The following ME3 variants were observed in gnomAD, a reference collection of about 807,000 sequenced individuals.
ME3 encodes the protein NADP-dependent malic enzyme, mitochondrial.
In ME3, 48 loss-of-function variants were observed where a neutral mutation model predicts 68.9. The observed-to-expected ratio is 0.70, with a 90% CI of 0.55 to 0.89. ME3 has a LOEUF of 0.89. Ranked by LOEUF, ME3 falls within the 40% of genes least tolerant of loss-of-function variation. The probability of loss-of-function intolerance (pLI) is 0.00; values close to 1 mark genes in which losing one functional copy is unlikely to be tolerated. For synonymous variants in ME3, 320 were observed against 318.8 expected, an observed-to-expected ratio of 1.00 and a Z score of -0.04; for missense variants, 675 against 797.4, an observed-to-expected ratio of 0.85 and a Z score of 1.85.
chr11:86,657,008 A>G (rs993129514), intron 2 of ME3, among the ~76,000 whole-genome samples: 2 of 152,346 alleles, frequency 1.3e-5, no homozygotes, highest in African/African-American at 4.8e-5. Flanking sequence ...GAACGCTTTT[A>G]TACTGTTGGT....
At chr11:86,578,717 C>T (rs909524901) in intron 2 of ME3, among the ~76,000 whole-genome samples, 1 of 152,162 alleles carries the variant, frequency 6.6e-6, no homozygotes, top group Non-Finnish European at 1.5e-5. Flanking sequence ...ATCAGTCACC[C>T]TCTCTGTCTT....
intron 4 of ME3, among the ~76,000 whole-genome samples, chr11:86,539,622 A>G (rs1416251386): frequency 6.6e-6 from 1 of 152,208 alleles, no homozygotes; most frequent in Admixed American, 6.5e-5. Flanking sequence ...TGAAGACACC[A>G]TGCTTAGCAC....
chr11:86,667,403 A>C (rs1479198291), intron 2 of ME3, among the ~76,000 whole-genome samples: 2 of 152,210 alleles, frequency 1.3e-5, no homozygotes, highest in East Asian at 3.9e-4. Context: ...GATGAGAGTC[A>C]AGCAGGTGCA....
chr11:86,489,021 T>A (rs1179920425), intron 6 of ME3: 1 of 152,174 alleles, frequency 6.6e-6, no homozygotes, highest in Non-Finnish European at 1.5e-5. Context: ...GGTTGAGGGC[T>A]GGAGGCAGGA....
intron 8 of ME3, among the ~76,000 whole-genome samples, chr11:86,452,262 A>G (rs1396308648): frequency 1.3e-5 from 2 of 152,196 alleles, no homozygotes; most frequent in African/African-American, 2.4e-5. Flanking sequence ...GAGTTGAAAC[A>G]GCTCCCTGGC....
chr11:86,471,306 T>C (rs1950774061), intron 7 of ME3, among the ~76,000 whole-genome samples: 1 of 152,024 alleles, frequency 6.6e-6, no homozygotes, highest in African/African-American at 2.4e-5. Context: ...CAGCTAATTT[T>C]TGTATTTTTA....
At chr11:86,464,930 C>T (rs1017709956) in intron 8 of ME3, among the ~76,000 whole-genome samples, 161 bp downstream of exon 8, 1 of 152,222 alleles carries the variant, frequency 6.6e-6, no homozygotes, top group Non-Finnish European at 1.5e-5. Context: ...TAAGAATTAG[C>T]CAAGTAGGAG....
intron 2 of ME3, among the ~76,000 whole-genome samples, chr11:86,653,047 A>C (rs911083548): frequency 2.0e-4 from 30 of 152,346 alleles, no homozygotes; most frequent in African/African-American, 7.0e-4. Flanking sequence ...AGAGCTAACT[A>C]TCCTAAGTAT....
chr11:86,624,187 C>T (rs898934182), intron 2 of ME3, among the ~76,000 whole-genome samples: 18 of 152,158 alleles, frequency 1.2e-4, no homozygotes, highest in Non-Finnish European at 2.2e-4. Context: ...AGAAGCTGGA[C>T]GATTCAGAGG....
At chr11:86,570,553 G>A (rs1957733889) in intron 2 of ME3, among the ~76,000 whole-genome samples, 1 of 152,182 alleles carries the variant, frequency 6.6e-6, no homozygotes, top group African/African-American at 2.4e-5. Context: ...GCATTGGGAA[G>A]TCTCCGCAGA....
At chr11:86,633,635 T>A (rs1938928) in intron 2 of ME3, among the ~76,000 whole-genome samples, 1 of 152,154 alleles carries the variant, frequency 6.6e-6, no homozygotes, top group African/African-American at 2.4e-5. Flanking sequence ...CTCTCATGGG[T>A]GTCTTGGCTG....
At chr11:86,550,585 C>T (rs540254164) in intron 4 of ME3, among the ~76,000 whole-genome samples, 57 of 152,324 alleles carry the variant, frequency 3.7e-4, no homozygotes, top group African/African-American at 1.3e-3. Flanking sequence ...GCAGCAGAGT[C>T]TGGGTGAAAT....
intron 4 of ME3, among the ~76,000 whole-genome samples, chr11:86,523,802 G>GA (rs931273006): frequency 6.6e-6 from 1 of 151,976 alleles, no homozygotes; most frequent in South Asian, 2.1e-4. Flanking sequence ...TCAGGAGGGG[G>GA]AAAAAAGGCG....
chr11:86,634,148 A>G (rs1283033079), intron 2 of ME3, among the ~76,000 whole-genome samples: 2 of 152,212 alleles, frequency 1.3e-5, no homozygotes, highest in Admixed American at 6.5e-5. Flanking sequence ...AAGGAAGAGT[A>G]GAGGGAGGAG....
exon 2 of ME3, chr11:86,671,879 G>C: frequency 6.4e-7 from 1 of 1,553,780 alleles, no homozygotes; most frequent in Non-Finnish European, 8.6e-7. Context: ...TCCAGCGCGG[G>C]AGGGCGCCGC....
At chr11:86,534,951 C>G (rs546741611) in intron 4 of ME3, among the ~76,000 whole-genome samples, 2 of 152,040 alleles carry the variant, frequency 1.3e-5, no homozygotes, top group Non-Finnish European at 2.9e-5. Context: ...CTACTCCTGA[C>G]ACAGTGAATC....
At chr11:86,441,515 G>T (rs146133265) in intron 14 of ME3, 75 bp from the exon 15 acceptor site, 2 of 1,410,652 alleles carry the variant, frequency 1.4e-6, no homozygotes, top group East Asian at 2.4e-5. Flanking sequence ...TTGGGAGCAT[G>T]GGGGAGGGGA....
At chr11:86,456,094 G>A (rs2125362) in intron 8 of ME3, among the ~76,000 whole-genome samples, 109,335 of 152,092 alleles carry the variant, frequency 0.72, 39,453 homozygotes, top group South Asian at 0.82. Context: ...GTCAGAATTT[G>A]TATTTAAAAA....
chr11:86,658,524 G>A (rs1004888990), intron 2 of ME3, among the ~76,000 whole-genome samples: 21 of 152,228 alleles, frequency 1.4e-4, no homozygotes, highest in African/African-American at 5.1e-4. Flanking sequence ...TAATGTGATT[G>A]TGCCAGTAAT....
Sources: allele counts gnomAD v4.1 joint callset (sites outside exome capture counted in the v4.1 genomes callset), GRCh38; gene constraint gnomAD v4.1.1; transcripts MANE v1.5; gene names NCBI Gene and HGNC (gene_info 2026-07-23, HGNC 2026-07-21).